Variants in CSMD3 observed in about 807,000 individuals in gnomAD.
The protein encoded by CSMD3 is CUB and Sushi multiple domains 3.
In CSMD3, 177 loss-of-function variants were observed where a neutral mutation model predicts 435.2. That is an observed-to-expected ratio of 0.41 (90% confidence interval 0.36 to 0.46). The LOEUF (loss-of-function observed/expected upper bound fraction) is 0.46, where lower values mean the gene tolerates loss of function less well. Ranked by LOEUF, CSMD3 falls within the 20% of genes least tolerant of loss-of-function variation. CSMD3 has a pLI of 0.34. For missense variants in CSMD3, 4,265 were observed against 4,504.6 expected, an observed-to-expected ratio of 0.95 and a Z score of 1.52; for synonymous variants, 1,656 against 1,520.5, an observed-to-expected ratio of 1.09 and a Z score of -2.07.
chr8:113,086,793 T>C (rs2089798871), intron 5 of CSMD3, among the ~76,000 whole-genome samples: 1 of 152,184 alleles, frequency 6.6e-6, no homozygotes, highest in Non-Finnish European at 1.5e-5. Context: ...ATTGGTACTA[T>C]GATCTGTATT....
At chr8:113,355,821 C>T (rs1275196014) in intron 1 of CSMD3, among the ~76,000 whole-genome samples, 1 of 124,904 alleles carries the variant, frequency 8.0e-6, no homozygotes, top group Non-Finnish European at 1.7e-5. Context: ...TATCTATCAA[C>T]CAAAAAAATT....
chr8:112,351,680 T>C (rs1826150866), intron 39 of CSMD3, among the ~76,000 whole-genome samples: 1 of 151,946 alleles, frequency 6.6e-6, no homozygotes, highest in Non-Finnish European at 1.5e-5. Context: ...AACTTTTATA[T>C]TGAAATATAA....
chr8:112,310,840 C>G, intron 50 of CSMD3, 138 bp downstream of exon 50: 1 of 741,714 alleles, frequency 1.3e-6, no homozygotes, highest in Non-Finnish European at 2.4e-6. Flanking sequence ...CAATGTTATG[C>G]CTTGTTTTTA....
At chr8:112,556,690 T>C in intron 25 of CSMD3, 73 bp downstream of exon 25, 2 of 1,263,238 alleles carry the variant, frequency 1.6e-6, no homozygotes, top group South Asian at 2.4e-5. Flanking sequence ...ACAGAAAGAA[T>C]TTCTTAAAAA....
chr8:112,745,472 C>T (rs1295279165), intron 13 of CSMD3, among the ~76,000 whole-genome samples: 1 of 151,794 alleles, frequency 6.6e-6, no homozygotes, highest in Non-Finnish European at 1.5e-5. Context: ...TACTACTGTA[C>T]AATTTACTTA....
chr8:113,065,968 C>A (rs925019675), intron 5 of CSMD3, among the ~76,000 whole-genome samples: 3 of 150,416 alleles, frequency 2.0e-5, no homozygotes, highest in African/African-American at 7.3e-5. Context: ...ATATTATATA[C>A]CATATTGGGT....
intron 45 of CSMD3, among the ~76,000 whole-genome samples, chr8:112,326,877 A>C (rs4030102): frequency 0.49 from 74,717 of 151,694 alleles, 18,671 homozygotes; most frequent in Middle Eastern, 0.56. Flanking sequence ...CAAAAATTAG[A>C]CAGGTGTGGC....
intron 66 of CSMD3, 74 bp from the exon 67 acceptor site, chr8:112,237,422 G>GC: frequency 9.3e-7 from 1 of 1,077,916 alleles, no homozygotes; most frequent in South Asian, 1.3e-5. Flanking sequence ...TAGAGTATTA[G>GC]TTTATTGAAT....
intron 22 of CSMD3, among the ~76,000 whole-genome samples, chr8:112,630,123 A>C (rs1208917995): frequency 1.1e-4 from 16 of 152,214 alleles, no homozygotes; most frequent in Non-Finnish European, 4.4e-5. Context: ...CATTAATTGT[A>C]GTCTGTGGAC....
chr8:112,800,254 G>A lies in CSMD3; in HGVS notation c.1880C>T (p.Pro627Leu). 1 of 1,611,956 alleles carries A rather than the reference G, an allele frequency of 6.2e-7. No homozygotes were observed. The highest frequency in any genetic ancestry group is 8.5e-7 in the Non-Finnish European group (1 of 1,178,344). ...VLQVLTGSFV[P>L]DLIVSMSSQM... is the part of the protein sequence containing the mutation. ...GCTACTCATGCTCACTATCAAGTCTGGTACAAAGCTTCCAGTCAGCCTAAA... is the reference window on the plus strand; with the variant it reads ...GCTACTCATGCTCACTATCAAGTCTAGTACAAAGCTTCCAGTCAGCCTAAA... Residue 627 changes from proline (P) to leucine (L), a missense_variant, in exon 13 of 71, where the codon CCA becomes CTA. Pro to Leu is a moderately conservative substitution (Grantham distance 98). Coordinates refer to ENST00000297405, the MANE Select transcript of CSMD3 (RefSeq NM_198123.2).
intron 5 of CSMD3, among the ~76,000 whole-genome samples, chr8:113,053,133 G>A (rs2088170111): frequency 6.6e-6 from 1 of 151,892 alleles, no homozygotes. Context: ...AGTAACATAG[G>A]ATGTTTAACA....
intron 59 of CSMD3, among the ~76,000 whole-genome samples, chr8:112,267,679 C>G (rs1586595936): frequency 6.6e-6 from 1 of 152,046 alleles, no homozygotes; most frequent in Non-Finnish European, 1.5e-5. Flanking sequence ...TCACAGGGCA[C>G]ATGAGCTGAG....
chr8:112,573,471 T>C, intron 24 of CSMD3, 30 bp downstream of exon 24: 1 of 1,576,022 alleles, frequency 6.3e-7, no homozygotes, highest in Non-Finnish European at 8.7e-7. Context: ...ACCCCAGTGT[T>C]TGGCCATTTT....
chr8:113,349,720 A>C (rs988235509), intron 1 of CSMD3, among the ~76,000 whole-genome samples: 1 of 152,102 alleles, frequency 6.6e-6, no homozygotes, highest in Non-Finnish European at 1.5e-5. Context: ...TGTGCCCTTA[A>C]ATTGATATTA....
At chr8:112,468,234 A>ATTTTT (rs771573736) in intron 32 of CSMD3, among the ~76,000 whole-genome samples, 1 of 93,722 alleles carries the variant, frequency 1.1e-5, no homozygotes, top group Non-Finnish European at 2.3e-5. Context: ...TGCCTAAAGT[A>ATTTTT]TTTTTTTTTT....
intron 11 of CSMD3, among the ~76,000 whole-genome samples, chr8:112,850,790 T>C (rs1359491906): frequency 6.6e-6 from 1 of 152,180 alleles, no homozygotes; most frequent in Non-Finnish European, 1.5e-5. Flanking sequence ...CCTATTTCTA[T>C]AGTGTAAATT....
intron 22 of CSMD3, among the ~76,000 whole-genome samples, chr8:112,588,069 G>A (rs916137920): frequency 3.3e-5 from 5 of 151,336 alleles, no homozygotes; most frequent in Admixed American, 2.0e-4. Flanking sequence ...TCTTAAATAT[G>A]TTTCAGAAAT....
At chr8:112,383,712 A>T in intron 36 of CSMD3, 49 bp from the exon 37 acceptor site, 1 of 1,098,272 alleles carries the variant, frequency 9.1e-7, no homozygotes, top group Non-Finnish European at 1.4e-6. Flanking sequence ...AACCAGATAC[A>T]CATAACTATA....
chr8:112,885,365 T>TATATATATATATAC (rs2081560466), intron 10 of CSMD3, among the ~76,000 whole-genome samples: 1 of 7,936 alleles, frequency 1.3e-4, no homozygotes, highest in Non-Finnish European at 1.7e-4. Context: ...AAATAGCCAG[T>TATATATATATATAC]ATATATATAT....
Sources: allele counts gnomAD v4.1 joint callset (sites outside exome capture counted in the v4.1 genomes callset), GRCh38; gene constraint gnomAD v4.1.1; transcripts MANE v1.5; gene names NCBI Gene and HGNC (gene_info 2026-07-23, HGNC 2026-07-21).